Variants in USP28 observed in about 807,000 individuals in gnomAD.
The protein encoded by USP28 is ubiquitin carboxyl-terminal hydrolase 28.
USP28 carries 113 observed loss-of-function variants against 145.0 expected under a neutral mutation model. That is an observed-to-expected ratio of 0.78 (90% CI 0.67 to 0.91). USP28 has a LOEUF of 0.91. Ranked by LOEUF, USP28 falls within the 40% of genes least tolerant of loss-of-function variation. The probability of loss-of-function intolerance (pLI) is 0.00; values close to 1 mark genes in which losing one functional copy is unlikely to be tolerated. For synonymous variants in USP28, 447 were observed against 450.9 expected (o/e 0.99, Z 0.11); for missense variants, 1,201 against 1,289.6 (o/e 0.93, Z 1.05).
chr11:113,860,183 A>G (rs1947505282), intron 1 of USP28, among the ~76,000 whole-genome samples: 1 of 152,206 alleles, frequency 6.6e-6, no homozygotes, highest in African/African-American at 2.4e-5. Flanking sequence ...TAAAACTCCT[A>G]ATTTAGCATT....
intron 9 of USP28, 35 bp from the exon 10 acceptor site, chr11:113,829,380 CACTATG>C (rs1226333649): frequency 6.2e-7 from 1 of 1,609,924 alleles, no homozygotes; most frequent in South Asian, 1.1e-5. Flanking sequence ...AAAAAGACAT[CACTATG>C]ACTATCTAAA....
chr11:113,829,459 G>A (rs931492594), intron 9 of USP28, 114 bp from the exon 10 acceptor site: 4 of 1,330,200 alleles, frequency 3.0e-6, no homozygotes, highest in Admixed American at 2.2e-5. Flanking sequence ...TAGCTGGTTA[G>A]AAATGCACTT....
At chr11:113,835,102 C>T (rs1944424210) in intron 5 of USP28, 2 of 365,548 alleles carry the variant, frequency 5.5e-6, no homozygotes, top group Non-Finnish European at 1.1e-5. Flanking sequence ...ATTCTCCACT[C>T]CTTGTCATAG....
chr11:113,872,473 C>T (rs897546096), intron 1 of USP28, among the ~76,000 whole-genome samples: 3 of 147,056 alleles, frequency 2.0e-5, no homozygotes, highest in Admixed American at 6.8e-5. Flanking sequence ...GGCAACAGAG[C>T]GAGACTCCGT....
At chr11:113,812,444 A>G (rs759211077) in exon 16 of USP28, 13 of 1,614,156 alleles carry the variant, frequency 8.1e-6, no homozygotes, top group Non-Finnish European at 1.1e-5. Context: ...ATATAGGCCC[A>G]ATAGTGTCCA....
At chr11:113,815,350 T>G in exon 14 of USP28, 8 of 1,614,160 alleles carry the variant, frequency 5.0e-6, no homozygotes, top group Non-Finnish European at 6.8e-6. Context: ...AAAGGTACTT[T>G]CAACATCCTG....
chr11:113,804,748 T>C (rs1228678466), exon 21 of USP28: 3 of 1,614,196 alleles, frequency 1.9e-6, no homozygotes, highest in Non-Finnish European at 2.5e-6. Context: ...TAATGCTGAT[T>C]GATCTGTGTG....
chr11:113,853,510 T>G (rs2136512592), intron 2 of USP28, among the ~76,000 whole-genome samples: 1 of 152,174 alleles, frequency 6.6e-6, no homozygotes, highest in African/African-American at 2.4e-5. Context: ...CCTCCTATAC[T>G]CTCGTAGATA....
At chr11:113,862,419 A>T (rs778648965) in intron 1 of USP28, among the ~76,000 whole-genome samples, 5 of 152,216 alleles carry the variant, frequency 3.3e-5, no homozygotes, top group African/African-American at 4.8e-5. Context: ...TGTCAGGAAG[A>T]GTTTAGGTTT....
At chr11:113,826,535 G>A (rs1307397636) in intron 11 of USP28, among the ~76,000 whole-genome samples, 1 of 151,248 alleles carries the variant, frequency 6.6e-6, no homozygotes, top group Non-Finnish European at 1.5e-5. Context: ...TTAAACTCCT[G>A]CGCTCAAGAT....
chr11:113,874,773 G>C, intron 1 of USP28: 2 of 1,151,898 alleles, frequency 1.7e-6, no homozygotes, highest in East Asian at 6.1e-5. Flanking sequence ...CAGATTCTTA[G>C]ATCAGAAGTC....
chr11:113,833,668 C>A, intron 6 of USP28, 111 bp from the exon 7 acceptor site: 1 of 1,099,504 alleles, frequency 9.1e-7, no homozygotes. Flanking sequence ...TTACCTAGAT[C>A]TAGGTCAAAG....
chr11:113,847,462 C>T (rs866350445), intron 3 of USP28, among the ~76,000 whole-genome samples: 931 of 53,732 alleles, frequency 0.017, 14 homozygotes, highest in African/African-American at 0.066. Flanking sequence ...GGTGGGGGGG[C>T]GGGGTGGAGA....
rs1460866428 is a variant in USP28 at position 113,823,621 on chromosome 11, G to A, written c.1267C>T (p.Gln423Ter). 1.2e-6 allele frequency: 2 copies of A among 1,611,326 alleles called. No individual in the cohort carries two copies. The highest frequency in any genetic ancestry group is 1.7e-6 in the Non-Finnish European group (2 of 1,178,914). The change falls in exon 12 of 25, where the codon CAG (glutamine) becomes TAG (stop). Residue 423 changes from glutamine to a stop codon, truncating the protein, a stop_gained. Coordinates refer to ENST00000003302, the Ensembl canonical transcript of USP28. LOFTEE classifies it high-confidence loss of function. The stretch of plus-strand genomic sequence containing the variant: ...AAAACTCACCTTTCCAATTTTTGCT[G>A]CAGAATTTTTATTTCCTCCTTCAAC...
At chr11:113,853,834 G>T (rs1946741518) in intron 2 of USP28, among the ~76,000 whole-genome samples, 1 of 143,692 alleles carries the variant, frequency 7.0e-6, no homozygotes, top group Non-Finnish European at 1.5e-5. Flanking sequence ...AGCCAAGATT[G>T]TGCTACTGCA....
chr11:113,857,655 G>C (rs751244365), intron 1 of USP28, among the ~76,000 whole-genome samples: 3 of 152,148 alleles, frequency 2.0e-5, no homozygotes, highest in Admixed American at 1.3e-4. Context: ...AGAACATCTT[G>C]ATCTCAGAGA....
At position 113,801,682 on chromosome 11, in the gene USP28, CA is replaced by C; in HGVS notation, c.2863-5del. 1 of 1,554,626 alleles carries C rather than the reference CA, an allele frequency of 6.4e-7. No individual in the cohort carries two copies. Among genetic ancestry groups the C allele is most frequent in the East Asian group, 2.3e-5 (1 of 44,018 alleles). ...AAGCTGCTTTGGCATTCAGCTCCTA[CA>C]GATAAAAGGTAGAATTAGGTGGGGA... is the stretch of plus-strand genomic sequence containing the variant. On this transcript the variant is annotated splice_region_variant and splice_polypyrimidine_tract_variant and intron_variant, in intron 23 of 24. Coordinates refer to ENST00000003302, the Ensembl canonical transcript of USP28.
intron 1 of USP28, chr11:113,859,237 T>C (rs1041029046): frequency 1.3e-5 from 2 of 152,104 alleles, no homozygotes; most frequent in African/African-American, 4.8e-5. Context: ...AAGGCAGGCA[T>C]TGCACACGTT....
chr11:113,825,958 C>G (rs957948728), intron 11 of USP28, among the ~76,000 whole-genome samples: 2 of 151,934 alleles, frequency 1.3e-5, no homozygotes, highest in African/African-American at 4.8e-5. Flanking sequence ...TGGTTATATG[C>G]CTAAAAATAA....
Sources: allele counts gnomAD v4.1 joint callset (sites outside exome capture counted in the v4.1 genomes callset), GRCh38; gene constraint gnomAD v4.1.1; transcripts MANE v1.5; gene names NCBI Gene and HGNC (gene_info 2026-07-23, HGNC 2026-07-21).